Variants in TRIP12 observed in about 807,000 individuals in gnomAD.
TRIP12 encodes thyroid hormone receptor interactor 12.
In TRIP12, 25 loss-of-function variants were observed where a neutral mutation model predicts 244.2. The ratio of observed to expected loss-of-function variants is 0.10; its 90% confidence interval spans 0.07 to 0.14. The LOEUF (loss-of-function observed/expected upper bound fraction) is 0.14. TRIP12 is among the 10% of genes least tolerant of loss of function. The pLI, the probability that TRIP12 is intolerant of heterozygous loss-of-function variation, is 1.00. For synonymous variants in TRIP12, 905 were observed against 873.1 expected (o/e 1.04, Z -0.64); for missense variants, 1,677 against 2,486.4 (o/e 0.67, Z 6.92).
At chr2:229,887,362 C>T (rs555774324) in intron 1 of TRIP12, among the ~76,000 whole-genome samples, 1 of 152,284 alleles carries the variant, frequency 6.6e-6, no homozygotes, top group South Asian at 2.1e-4. Flanking sequence ...TGAGGAAAGA[C>T]ATGGAGGAAT....
chr2:229,877,129 G>A (rs761708159), intron 2 of TRIP12, among the ~76,000 whole-genome samples: 32 of 152,004 alleles, frequency 2.1e-4, no homozygotes, highest in Non-Finnish European at 4.1e-4. Flanking sequence ...ACTGGCAGGC[G>A]CCTGTCTTCT....
intron 39 of TRIP12, among the ~76,000 whole-genome samples, chr2:229,770,844 G>A (rs753148557): frequency 2.2e-4 from 34 of 152,130 alleles, no homozygotes; most frequent in Admixed American, 2.0e-4. Context: ...ACAAGCTCTC[G>A]TCTTGTCTGC....
intron 1 of TRIP12, among the ~76,000 whole-genome samples, chr2:229,888,431 G>A (rs182484618): frequency 2.0e-5 from 3 of 152,168 alleles, no homozygotes; most frequent in African/African-American, 7.2e-5. Context: ...ATTGGGAAAT[G>A]CTAAAATCTA....
intron 23 of TRIP12, among the ~76,000 whole-genome samples, chr2:229,798,247 C>A (rs1160803400): frequency 8.5e-5 from 13 of 152,114 alleles, no homozygotes; most frequent in Admixed American, 8.5e-4. Flanking sequence ...GCAAATAAGA[C>A]CCGGCTGCTT....
At position 229,906,314 on chromosome 2, in the gene TRIP12, A is replaced by G. The variant is rs868687166; in HGVS notation, c.-50+15566T>C. On this transcript the variant is annotated intron_variant, in intron 1 of 41. Transcript: ENST00000675903. Reference sequence around the variant, plus strand: ...GAATGAGACTGTCTCAAAAAAAAAAAAAAAGAAAAGAAAAGAAACATGTTT... The same window carrying G: ...GAATGAGACTGTCTCAAAAAAAAAAGAAAAGAAAAGAAAAGAAACATGTTT... Among the ~76,000 whole-genome samples the G allele has an allele frequency of 8.5e-3, 1,292 of 151,722 alleles. 13 individuals are homozygous for G. The highest frequency in any genetic ancestry group is 0.029 in the African/African-American group (1,217 of 41,382).
intron 4 of TRIP12, among the ~76,000 whole-genome samples, chr2:229,842,102 TA>T (rs2056562731): frequency 1.3e-5 from 2 of 152,240 alleles, no homozygotes; most frequent in African/African-American, 4.8e-5. Flanking sequence ...TTTAGACATC[TA>T]AACTATATCT....
chr2:229,908,207 T>C (rs551529066), intron 1 of TRIP12, among the ~76,000 whole-genome samples: 1 of 152,360 alleles, frequency 6.6e-6, no homozygotes, highest in South Asian at 2.1e-4. Flanking sequence ...TTAATATTCT[T>C]ATCCCATTCA....
intron 4 of TRIP12, among the ~76,000 whole-genome samples, chr2:229,857,489 T>C (rs2059783844): frequency 6.6e-6 from 1 of 151,852 alleles, no homozygotes; most frequent in South Asian, 2.1e-4. Flanking sequence ...ATTAGCTGGG[T>C]GTGATGGCGC....
intron 8 of TRIP12, among the ~76,000 whole-genome samples, chr2:229,819,082 AC>A (rs35630165): frequency 2.8e-5 from 4 of 142,232 alleles, no homozygotes; most frequent in African/African-American, 2.5e-5. Context: ...ACACACACAC[AC>A]ACAATTATAA....
intron 34 of TRIP12, among the ~76,000 whole-genome samples, chr2:229,785,114 C>T (rs532354800): frequency 1.3e-5 from 2 of 152,250 alleles, no homozygotes; most frequent in African/African-American, 4.8e-5. Flanking sequence ...GGAACTACTC[C>T]ATAATAGGAA....
intron 1 of TRIP12, among the ~76,000 whole-genome samples, chr2:229,898,207 G>C (rs986622455): frequency 6.6e-5 from 10 of 152,190 alleles, no homozygotes. Context: ...TCAAGTAATA[G>C]TCTTAGGTAA....
At chr2:229,805,266 T>C (rs2045593393) in intron 18 of TRIP12, among the ~76,000 whole-genome samples, 1 of 102,140 alleles carries the variant, frequency 9.8e-6, no homozygotes, top group South Asian at 3.0e-4. Context: ...TGCAGACCAC[T>C]GTTCTCTAAA....
chr2:229,812,610 A>T (rs997438898), intron 13 of TRIP12, among the ~76,000 whole-genome samples: 2 of 152,130 alleles, frequency 1.3e-5, no homozygotes, highest in African/African-American at 4.8e-5. Context: ...GTTTGAGACC[A>T]GCCTGGCCAA....
At chr2:229,863,035 C>A (rs2060714034) in intron 2 of TRIP12, among the ~76,000 whole-genome samples, 1 of 152,036 alleles carries the variant, frequency 6.6e-6, no homozygotes, top group Admixed American at 6.5e-5. Flanking sequence ...CAAGACCAGC[C>A]TGGCCAAGAT....
intron 31 of TRIP12, 115 bp from the exon 32 acceptor site, chr2:229,789,055 T>A: frequency 1.1e-6 from 1 of 927,534 alleles, no homozygotes; most frequent in Non-Finnish European, 1.6e-6. Context: ...CACGTGTTGG[T>A]TTCCAACATA....
intron 4 of TRIP12, among the ~76,000 whole-genome samples, chr2:229,853,158 C>T (rs2154330025): frequency 6.6e-6 from 1 of 152,226 alleles, no homozygotes; most frequent in East Asian, 1.9e-4. Flanking sequence ...ACATCACATT[C>T]AAATAGGTTC....
chr2:229,798,230 A>C (rs977212371), intron 23 of TRIP12, among the ~76,000 whole-genome samples: 2 of 152,242 alleles, frequency 1.3e-5, no homozygotes, highest in African/African-American at 4.8e-5. Context: ...GGATGTAATA[A>C]GCTATGGCAA....
Position 229,764,583 on chromosome 2 carries a change from G to C in TRIP12, c.*2971C>G, listed in dbSNP as rs1477804537. 6.6e-6 allele frequency: 1 copy of C among 152,182 alleles called. No homozygotes were observed. The highest frequency in any genetic ancestry group is 2.4e-5 in the African/African-American group (1 of 41,448). The allele number at this position is 152,182 out of a possible 1,614,324, so 9.4% of individuals were successfully genotyped here. On this transcript the variant is annotated 3_prime_UTR_variant, in exon 42 of 42. Coordinates refer to ENST00000675903, the MANE Select transcript of TRIP12 (RefSeq NM_001348323.3). ...CTCACAGACAGGAGTCGAGAGTACA[G>C]CTGCAGCACCTGCTAAGCCAGAAGG... is the stretch of plus-strand genomic sequence containing the variant.
intron 1 of TRIP12, among the ~76,000 whole-genome samples, chr2:229,910,350 A>G (rs1024160936): frequency 1.3e-5 from 2 of 152,234 alleles, no homozygotes; most frequent in African/African-American, 4.8e-5. Context: ...TTTTTTAGTA[A>G]TAAGAAACAA....
Sources: allele counts gnomAD v4.1 joint callset (sites outside exome capture counted in the v4.1 genomes callset), GRCh38; gene constraint gnomAD v4.1.1; transcripts MANE v1.5; gene names NCBI Gene and HGNC (gene_info 2026-07-23, HGNC 2026-07-21).